Variants in ARL10 observed in about 807,000 individuals in gnomAD.
The protein encoded by ARL10 is ARF like GTPase 10.
A neutral mutation model predicts 26.1 loss-of-function variants in ARL10; 23 were observed. The ratio of observed to expected loss-of-function variants is 0.88; its 90% CI spans 0.63 to 1.25. The LOEUF is 1.25. Among genes scored for constraint, ARL10 ranks in the 50% most tolerant of loss-of-function variants. The probability of loss-of-function intolerance (pLI) is 0.00; values close to 1 mark genes in which losing one functional copy is unlikely to be tolerated. For synonymous variants in ARL10, 138 were observed against 149.1 expected (o/e 0.93, Z 0.54); for missense variants, 300 against 323.6 (o/e 0.93, Z 0.56).
In ARL10 at chr5:176,368,049, T is replaced by G. The variant is rs780770148; in HGVS notation, c.386-758T>G. 9.8e-6 allele frequency: 5 copies of G among 511,384 alleles called. No homozygotes were observed. Among genetic ancestry groups the G allele is most frequent in the Non-Finnish European group, 2.0e-5 (5 of 254,280 alleles). 31.7% of individuals were successfully genotyped at this position (511,384 alleles called of 1,614,324 possible). A position where few individuals can be genotyped will look rare whatever the true frequency, so the allele number is the denominator to read the frequency against. On this transcript the variant is annotated intron_variant, in intron 2 of 3. Coordinates refer to ENST00000310389, the MANE Select transcript of ARL10 (RefSeq NM_173664.6). This position sits in a 1 kb window ranked among gnomAD's most constrained non-coding sequence, Gnocchi z 4.1. Reference sequence around the variant, plus strand: ...TGAGGGCTTTGTGGGGATTCAGAGGTAAGTGCCTCTGACTCTCACAGCTTA... The same window carrying G: ...TGAGGGCTTTGTGGGGATTCAGAGGGAAGTGCCTCTGACTCTCACAGCTTA...
At chr5:176,408,269 C>T in the ARL10 span, among the ~76,000 whole-genome samples, 24 of 150,742 alleles carry the variant, frequency 1.6e-4, no homozygotes, top group Admixed American at 5.9e-4. Context: ...CACGGTGGCT[C>T]GTGCCTGTAA....
In ARL10 at chr5:176,377,157, A is replaced by G. The variant is rs1768708504; in HGVS notation, c.*5262A>G. On this transcript the variant is annotated 3_prime_UTR_variant, in exon 4 of 4. Coordinates refer to ENST00000310389, the MANE Select transcript of ARL10 (RefSeq NM_173664.6). This position sits in a 1 kb window ranked among gnomAD's most constrained non-coding sequence, Gnocchi z 4.5. ...GGATCTGATCTGCTGACCAAAGGCA[A>G]TGGTTGGCTTTCTTCTTCAGAGATC... is the stretch of plus-strand genomic sequence containing the variant. 6.6e-6 allele frequency: 1 copy of G among 152,196 alleles called. No homozygotes were observed. The highest frequency in any genetic ancestry group is 6.5e-5 in the Admixed American group (1 of 15,268). 9.4% of individuals were successfully genotyped at this position (152,196 alleles called of 1,614,324 possible).
chr5:176,404,978 G>A (rs374829337), downstream of ARL10, among the ~76,000 whole-genome samples: 21 of 152,284 alleles, frequency 1.4e-4, no homozygotes, highest in Admixed American at 9.2e-4. Context: ...TACACAACTC[G>A]AGCGAGCTGT....
intron 2 of ARL10, among the ~76,000 whole-genome samples, chr5:176,367,050 C>G (rs1246455455): frequency 6.7e-6 from 1 of 148,438 alleles, no homozygotes; most frequent in Admixed American, 6.7e-5. Context: ...CTGTGACACC[C>G]AGGCTGGAGT....
Position 176,366,514 on chromosome 5 carries a change from C to A in ARL10, c.318C>A (p.His106Gln). The change falls in exon 2 of 4, where the codon CAC (histidine) becomes CAA (glutamine). Residue 106 changes from histidine (H) to glutamine (Q), a missense_variant. Coordinates refer to ENST00000310389, the MANE Select transcript of ARL10 (RefSeq NM_173664.6). ...VLSGKPPLEG[H>Q]IPTWGFNSVR... The stretch of plus-strand genomic sequence containing the variant: ...CGGGGAAGCCACCGCTGGAAGGCCA[C>A]ATCCCCACCTGGGGCTTCAACTCCG... The A allele has an allele frequency of 3.1e-6, 5 of 1,614,152 alleles. No individual in the cohort carries two copies. The highest frequency in any genetic ancestry group is 4.2e-6 in the Non-Finnish European group (5 of 1,180,040).
downstream of ARL10, chr5:176,389,037 G>C (rs1756141151): frequency 4.4e-6 from 7 of 1,587,716 alleles, no homozygotes; most frequent in Admixed American, 8.4e-5. Context: ...AGGAAGTAGA[G>C]AAGGACCAGA....
chr5:176,394,006 A>C (rs1314683760), intron 1 of ARL10, among the ~76,000 whole-genome samples: 1 of 152,204 alleles, frequency 6.6e-6, no homozygotes, highest in Admixed American at 6.5e-5. Flanking sequence ...CTGACCCCGG[A>C]TCAGGTGACC....
At chr5:176,405,265 G>T (rs1218825260), downstream of ARL10, among the ~76,000 whole-genome samples, 3 of 152,042 alleles carry the variant, frequency 2.0e-5, no homozygotes, top group African/African-American at 7.2e-5. Context: ...TGAGCAGGAG[G>T]ACTGCTTGAG....
rs1387802334 is a variant in ARL10, at chr5:176,374,436, A to G, written c.*2541A>G. On this transcript the variant is annotated 3_prime_UTR_variant, in exon 4 of 4. Transcript: ENST00000310389. ...ACCGTAATGAGACCATTTGAGGTACAAAGGATGACTGCATTGGTGTACTTA... is the reference window on the plus strand; with the variant it reads ...ACCGTAATGAGACCATTTGAGGTACGAAGGATGACTGCATTGGTGTACTTA... 1 of 152,208 alleles carries G rather than the reference A, an allele frequency of 6.6e-6. No individual in the cohort carries two copies. The highest frequency in any genetic ancestry group is 1.9e-4 in the East Asian group (1 of 5,198). The allele number at this position is 152,208 out of a possible 1,614,324, so 9.4% of individuals were successfully genotyped here.
chr5:176,367,924 T>A (rs1193246189), intron 2 of ARL10: 1 of 531,640 alleles, frequency 1.9e-6, no homozygotes, highest in East Asian at 5.4e-5. Context: ...CCTGCTTGCC[T>A]TGCTCACCTC....
At chr5:176,403,049 A>ATT (rs34807992), downstream of ARL10, among the ~76,000 whole-genome samples, 6,498 of 137,970 alleles carry the variant, frequency 0.047, 208 homozygotes, top group Middle Eastern at 0.11. Flanking sequence ...GCCTGCCCTA[A>ATT]TTTTTTTTTT....
At chr5:176,389,562 C>T, downstream of ARL10, 3 of 1,508,384 alleles carry the variant, frequency 2.0e-6, no homozygotes, top group Non-Finnish European at 2.7e-6. Flanking sequence ...AACCACTGGC[C>T]CTACCGTGGG....
intron 1 of ARL10, among the ~76,000 whole-genome samples, chr5:176,394,214 G>A (rs777914849): frequency 1.3e-5 from 2 of 152,236 alleles, no homozygotes; most frequent in Admixed American, 1.3e-4. Flanking sequence ...TGTCCCTTCA[G>A]GGTCCAGAGG....
At position 176,375,327 on chromosome 5, in the gene ARL10, TCCATCCATCATCCACCC is replaced by T. The variant is rs1561776129; in HGVS notation, c.*3433_*3449del. ...ATCCATCCATCCATCCATCCATCCA[TCCATCCATCATCCACCC>T]ATCCATCCATCCATCCATCCATCTG... On this transcript the variant is annotated 3_prime_UTR_variant, in exon 4 of 4. Coordinates refer to ENST00000310389, the MANE Select transcript of ARL10 (RefSeq NM_173664.6). 3 of 52,358 alleles carry T rather than the reference TCCATCCATCATCCACCC, an allele frequency of 5.7e-5. No individual in the cohort carries two copies. Among genetic ancestry groups the T allele is most frequent in the African/African-American group, 1.9e-4 (3 of 15,512 alleles). 3.2% of individuals were successfully genotyped at this position (52,358 alleles called of 1,614,324 possible).
chr5:176,372,620 AC>A lies in ARL10; in HGVS notation c.*728del, dbSNP rs2113555286. The stretch of plus-strand genomic sequence containing the variant: ...CTTGACTACAGAATAACTGATATTC[AC>A]CCACCAAACAGAAAAAGTGAAGGCT... On this transcript the variant is annotated 3_prime_UTR_variant, in exon 4 of 4. Coordinates refer to ENST00000310389, the MANE Select transcript of ARL10 (RefSeq NM_173664.6). 6.7e-6 allele frequency: 2 copies of A among 299,660 alleles called. No homozygotes were observed. The highest frequency in any genetic ancestry group is 5.3e-5 in the East Asian group (1 of 18,912). 18.6% of individuals were successfully genotyped at this position (299,660 alleles called of 1,614,324 possible).
At chr5:176,394,304 C>A (rs1204597912) in intron 1 of ARL10, among the ~76,000 whole-genome samples, 2 of 152,186 alleles carry the variant, frequency 1.3e-5, no homozygotes, top group Non-Finnish European at 2.9e-5. Flanking sequence ...GAAATGCAGA[C>A]CCTTGGGCCT....
chr5:176,388,137 T>C, intron 1 of ARL10: 1 of 901,342 alleles, frequency 1.1e-6, no homozygotes, highest in Non-Finnish European at 1.8e-6. Flanking sequence ...CGGAAGGGCC[T>C]GAGGGAAGGA....
At chr5:176,366,132 C>G (rs977667130) in intron 1 of ARL10, among the ~76,000 whole-genome samples, 1 of 152,328 alleles carries the variant, frequency 6.6e-6, no homozygotes, top group South Asian at 2.1e-4. Flanking sequence ...GAAACCCCAT[C>G]CCCTCCCGCC....
chr5:176,375,728 T>C lies in ARL10; in HGVS notation c.*3833T>C, dbSNP rs193271101. On this transcript the variant is annotated 3_prime_UTR_variant, in exon 4 of 4. Coordinates refer to ENST00000310389, the MANE Select transcript of ARL10 (RefSeq NM_173664.6). ...GTAGCATTTGAGCAGGGGTCACTTATGTTCCCCCATAAGTCTGCACAGCTC... is the reference window on the plus strand; with the variant it reads ...GTAGCATTTGAGCAGGGGTCACTTACGTTCCCCCATAAGTCTGCACAGCTC... The C allele has an allele frequency of 2.0e-5, 3 of 152,330 alleles. No individual in the cohort carries two copies. Among genetic ancestry groups the C allele is most frequent in the South Asian group, 2.1e-4 (1 of 4,824 alleles). 9.4% of individuals were successfully genotyped at this position (152,330 alleles called of 1,614,324 possible).
Sources: allele counts gnomAD v4.1 joint callset (sites outside exome capture counted in the v4.1 genomes callset), GRCh38; gene constraint gnomAD v4.1.1; non-coding constraint Gnocchi (gnomAD v3.1); transcripts MANE v1.5; gene names NCBI Gene and HGNC (gene_info 2026-07-23, HGNC 2026-07-21).